Variants in PLD5 observed in about 807,000 individuals in gnomAD.
The protein encoded by PLD5 is phospholipase D family member 5, also known as inactive phospholipase D5.
A neutral mutation model predicts 61.1 loss-of-function variants in PLD5; 36 were observed. That is an observed-to-expected ratio of 0.59 (90% CI 0.45 to 0.78). The LOEUF is 0.78. PLD5 is among the 30% of genes least tolerant of loss of function. PLD5 has a pLI of 0.00. For missense variants in PLD5, 515 were observed against 644.4 expected (o/e 0.80, Z 2.17); for synonymous variants, 243 against 242.8 (o/e 1.00, Z -0.01).
intron 3 of PLD5, 109 bp downstream of exon 3, chr1:242,288,253 T>C: frequency 6.6e-7 from 1 of 1,509,904 alleles, no homozygotes; most frequent in Non-Finnish European, 9.0e-7. Flanking sequence ...TCTGGGTGTG[T>C]GTAGACTAAA....
intron 1 of PLD5, among the ~76,000 whole-genome samples, chr1:242,496,060 G>C (rs1668359118): frequency 6.6e-6 from 1 of 152,278 alleles, no homozygotes; most frequent in Non-Finnish European, 1.5e-5. Flanking sequence ...ATTATCATTG[G>C]CAAGGAAAGT....
intron 3 of PLD5, among the ~76,000 whole-genome samples, chr1:242,283,591 C>G (rs1414390583): frequency 5.3e-5 from 8 of 152,138 alleles, no homozygotes; most frequent in South Asian, 4.1e-4. Context: ...GTGAACCTGA[C>G]ACATTTTTTT....
intron 5 of PLD5, among the ~76,000 whole-genome samples, chr1:242,158,534 C>G (rs1665572969): frequency 6.6e-6 from 1 of 152,088 alleles, no homozygotes; most frequent in South Asian, 2.1e-4. Context: ...GTTCCTCAGG[C>G]TCAGTCCCCC....
intron 1 of PLD5, among the ~76,000 whole-genome samples, chr1:242,418,266 T>A (rs1389867583): frequency 6.6e-6 from 1 of 152,144 alleles, no homozygotes; most frequent in Non-Finnish European, 1.5e-5. Context: ...GAGAAGAGAA[T>A]TATTGCAGGA....
At chr1:242,242,008 T>C (rs377128622) in intron 4 of PLD5, among the ~76,000 whole-genome samples, 14,929 of 127,128 alleles carry the variant, frequency 0.12, 1,536 homozygotes, top group African/African-American at 0.28. Context: ...TATATATATA[T>C]ATAGACACAC....
chr1:242,171,822 G>A (rs1038058938), intron 5 of PLD5, among the ~76,000 whole-genome samples: 3 of 151,996 alleles, frequency 2.0e-5, no homozygotes, highest in Non-Finnish European at 4.4e-5. Flanking sequence ...GTGGTAAAGG[G>A]ATCAGTGCAA....
chr1:242,387,134 T>C (rs1280810248), intron 1 of PLD5, among the ~76,000 whole-genome samples: 2 of 152,208 alleles, frequency 1.3e-5, no homozygotes, highest in Non-Finnish European at 2.9e-5. Flanking sequence ...TCTAATTAAA[T>C]AGATACTCCT....
At chr1:242,476,692 TG>T (rs1667606577) in intron 1 of PLD5, among the ~76,000 whole-genome samples, 1 of 152,192 alleles carries the variant, frequency 6.6e-6, no homozygotes, top group Admixed American at 6.5e-5. Context: ...ATTCATAGGA[TG>T]GTATAGATCA....
chr1:242,237,089 G>C (rs1033465473), intron 4 of PLD5, among the ~76,000 whole-genome samples: 1 of 152,150 alleles, frequency 6.6e-6, no homozygotes, highest in African/African-American at 2.4e-5. Context: ...TGTGTTTTAT[G>C]AGACTGCAGC....
intron 2 of PLD5, among the ~76,000 whole-genome samples, chr1:242,317,895 G>A (rs1658119561): frequency 1.3e-5 from 2 of 152,102 alleles, no homozygotes; most frequent in Admixed American, 6.5e-5. Flanking sequence ...CCCTTTCAAT[G>A]GGGGATCAGT....
intron 1 of PLD5, among the ~76,000 whole-genome samples, chr1:242,496,858 T>C (rs113145813): frequency 6.6e-6 from 1 of 152,188 alleles, no homozygotes; most frequent in African/African-American, 2.4e-5. Context: ...CTAGCTGCAG[T>C]ATGTGACTAA....
chr1:242,389,103 G>C (rs1177370953), intron 1 of PLD5, among the ~76,000 whole-genome samples: 1 of 151,104 alleles, frequency 6.6e-6, no homozygotes, highest in Non-Finnish European at 1.5e-5. Flanking sequence ...ATGAAGACTT[G>C]AAATTGATGT....
intron 5 of PLD5, among the ~76,000 whole-genome samples, chr1:242,132,200 G>GC (rs71650060): frequency 4.1e-5 from 4 of 96,724 alleles, no homozygotes; most frequent in South Asian, 4.3e-4. Context: ...TGCGGGGGGG[G>GC]GGGGGGGCGG....
At chr1:242,382,799 C>T (rs920688083) in intron 1 of PLD5, among the ~76,000 whole-genome samples, 9 of 152,128 alleles carry the variant, frequency 5.9e-5, no homozygotes, top group Non-Finnish European at 1.2e-4. Context: ...AAAGCACCCT[C>T]AGGAAAATGA....
At chr1:242,334,310 C>T (rs1225698318) in intron 2 of PLD5, among the ~76,000 whole-genome samples, 2 of 152,146 alleles carry the variant, frequency 1.3e-5, no homozygotes, top group African/African-American at 4.8e-5. Context: ...TGAATCTACA[C>T]CCAGTATACA....
intron 5 of PLD5, among the ~76,000 whole-genome samples, chr1:242,150,842 C>A (rs1444570754): frequency 6.6e-6 from 1 of 151,736 alleles, no homozygotes; most frequent in Admixed American, 6.6e-5. Flanking sequence ...TGAGGACTCT[C>A]TTCCATTTTT....
rs1660509488 is a variant in PLD5, at chr1:242,099,415, C to T, written c.1354+1253G>A. Among the ~76,000 whole-genome samples the T allele has an allele frequency of 5.3e-5, 8 of 152,312 alleles. No individual in the cohort carries two copies. In the South Asian group the frequency reaches 1.7e-3, roughly 32 times the overall value. ...GTGGCTGGGATTACCGTGTGAACCACTGCACCCAGCCAGATATATATCTTT... is the reference window on the plus strand; with the variant it reads ...GTGGCTGGGATTACCGTGTGAACCATTGCACCCAGCCAGATATATATCTTT... On this transcript the variant is annotated intron_variant, in intron 9 of 9. Coordinates refer to ENST00000536534, the MANE Select transcript of PLD5 (RefSeq NM_001372062.1).
chr1:242,136,854 A>G (rs1032897389), intron 5 of PLD5, among the ~76,000 whole-genome samples: 1 of 152,226 alleles, frequency 6.6e-6, no homozygotes, highest in African/African-American at 2.4e-5. Context: ...AATGGAAGGA[A>G]GTCATCTTAA....
intron 1 of PLD5, among the ~76,000 whole-genome samples, chr1:242,395,921 G>A (rs909573666): frequency 3.9e-5 from 6 of 152,122 alleles, no homozygotes; most frequent in Non-Finnish European, 7.3e-5. Flanking sequence ...GATGGCAGGT[G>A]CCTGTAATCC....
Sources: allele counts gnomAD v4.1 joint callset (sites outside exome capture counted in the v4.1 genomes callset), GRCh38; gene constraint gnomAD v4.1.1; transcripts MANE v1.5; gene names NCBI Gene and HGNC (gene_info 2026-07-23, HGNC 2026-07-21).